GRIN2B: variants seen among roughly 807,000 people sequenced by gnomAD.
GRIN2B encodes glutamate ionotropic receptor NMDA type subunit 2B, also known as glutamate receptor ionotropic, NMDA 2B.
A neutral mutation model predicts 114.5 loss-of-function variants in GRIN2B; 5 were observed. That is an observed-to-expected ratio of 0.04 (90% CI 0.02 to 0.09). GRIN2B has a LOEUF of 0.09. Ranked by LOEUF, GRIN2B falls within the 10% of genes least tolerant of loss-of-function variation. GRIN2B has a pLI of 1.00. For missense variants in GRIN2B, 1,108 were observed against 1,943.5 expected (o/e 0.57, Z 8.08); for synonymous variants, 787 against 745.1 (o/e 1.06, Z -0.92).
At chr12:13,923,284 G>A (rs925694165) in intron 2 of GRIN2B, among the ~76,000 whole-genome samples, 5 of 152,108 alleles carry the variant, frequency 3.3e-5, no homozygotes, top group African/African-American at 1.2e-4. Context: ...AAATCACATT[G>A]TTTAGATTCA....
intron 4 of GRIN2B, among the ~76,000 whole-genome samples, chr12:13,702,875 T>C (rs1950325311): frequency 6.6e-6 from 1 of 152,186 alleles, no homozygotes; most frequent in Non-Finnish European, 1.5e-5. Context: ...TAGGAAGAAA[T>C]AAATCTATGC....
At position 13,905,639 on chromosome 12, in the gene GRIN2B, G is replaced by T. The variant is rs10160840; in HGVS notation, c.-18-39413C>A. ...GAGGTGGTTCCCGGCAGTCTAGGACGTCTTCCTTAAAGAAGTTTTGCATTT... is the reference window on the plus strand; with the variant it reads ...GAGGTGGTTCCCGGCAGTCTAGGACTTCTTCCTTAAAGAAGTTTTGCATTT... On this transcript the variant is annotated intron_variant, in intron 2 of 13. Transcript: ENST00000609686. 2.6e-5 allele frequency among the ~76,000 whole-genome samples: 4 copies of T among 152,072 alleles called. No homozygotes were observed. In the South Asian group the frequency reaches 8.3e-4, roughly 32 times the overall value.
chr12:13,617,554 T>C (rs1037997784), intron 5 of GRIN2B, among the ~76,000 whole-genome samples: 3 of 152,198 alleles, frequency 2.0e-5, no homozygotes, highest in Non-Finnish European at 4.4e-5. Flanking sequence ...CAACATGGCT[T>C]TGTTGGGGGG....
intron 4 of GRIN2B, among the ~76,000 whole-genome samples, chr12:13,725,229 G>A (rs1862959334): frequency 6.6e-6 from 1 of 152,058 alleles, no homozygotes; most frequent in Non-Finnish European, 1.5e-5. Context: ...AAATCAAAGA[G>A]CAGATCAGGA....
At chr12:13,604,726 TGTAA>T (rs1441795002) in intron 10 of GRIN2B, among the ~76,000 whole-genome samples, 9 of 152,358 alleles carry the variant, frequency 5.9e-5, no homozygotes, top group Middle Eastern at 3.4e-3. Flanking sequence ...GGTGTTAGAC[TGTAA>T]GTAAGTAAGA....
At chr12:13,875,395 C>T (rs1446962842) in intron 2 of GRIN2B, among the ~76,000 whole-genome samples, 1 of 152,082 alleles carries the variant, frequency 6.6e-6, no homozygotes, top group East Asian at 1.9e-4. Flanking sequence ...GGCATGGTGG[C>T]GAGCGCCTGT....
At chr12:13,962,089 T>TACACACAC (rs143658576) in intron 2 of GRIN2B, among the ~76,000 whole-genome samples, 1,965 of 145,302 alleles carry the variant, frequency 0.014, 17 homozygotes, top group African/African-American at 0.018. Flanking sequence ...CTCTCATACA[T>TACACACAC]ACACACACAC....
intron 5 of GRIN2B, chr12:13,634,061 A>G (rs1246081538): frequency 6.6e-6 from 1 of 152,204 alleles, no homozygotes; most frequent in Non-Finnish European, 1.5e-5. Context: ...CCCAAGATGG[A>G]TTTCAAAGCA....
Position 13,617,924 on chromosome 12 carries a change from C to T in GRIN2B, c.1126-1267G>A, listed in dbSNP as rs146750171. Reference sequence around the variant, plus strand: ...AGCCACTGCCCTTGTGTTACTGCATCATTATAATGCAGGCAGTGGCTTGGT... The same window carrying T: ...AGCCACTGCCCTTGTGTTACTGCATTATTATAATGCAGGCAGTGGCTTGGT... On this transcript the variant is annotated intron_variant, in intron 5 of 13. Transcript: ENST00000609686. Among the ~76,000 whole-genome samples, 212 of 152,290 alleles carry T rather than the reference C, an allele frequency of 1.4e-3. 1 individual carries two copies. The highest frequency in any genetic ancestry group is 2.4e-3 in the Non-Finnish European group (164 of 68,026).
Position 13,538,893 on chromosome 12 carries a change from T to G in GRIN2B, c.*23890A>C, listed in dbSNP as rs1261759342. 6.7e-6 allele frequency: 1 copy of G among 149,962 alleles called. No individual in the cohort carries two copies. Among genetic ancestry groups the G allele is most frequent in the Non-Finnish European group, 1.5e-5 (1 of 67,590 alleles). The allele number at this position is 149,962 out of a possible 1,614,324, so 9.3% of individuals were successfully genotyped here. Reference sequence around the variant, plus strand: ...CAGAGCCAAGATTTCAAGTCTTGTCTTCCCCCTTTTTTTTTTAAACAAATC... The same window carrying G: ...CAGAGCCAAGATTTCAAGTCTTGTCGTCCCCCTTTTTTTTTTAAACAAATC... On this transcript the variant is annotated 3_prime_UTR_variant, in exon 14 of 14. Coordinates refer to ENST00000609686, the MANE Select transcript of GRIN2B (RefSeq NM_000834.5).
chr12:13,899,321 GA>G (rs201126034), intron 2 of GRIN2B, among the ~76,000 whole-genome samples: 5 of 146,162 alleles, frequency 3.4e-5, no homozygotes, highest in African/African-American at 1.0e-4. Context: ...AGCCCTTAAA[GA>G]AAAAAAAAAG....
At chr12:13,839,651 C>T (rs945279710) in intron 3 of GRIN2B, among the ~76,000 whole-genome samples, 2 of 152,190 alleles carry the variant, frequency 1.3e-5, no homozygotes, top group Admixed American at 6.5e-5. Context: ...GAGGCAGAGA[C>T]AAACGGAAGC....
chr12:13,606,149 T>A (rs1255489678), intron 10 of GRIN2B, among the ~76,000 whole-genome samples: 2 of 152,128 alleles, frequency 1.3e-5, no homozygotes, highest in Non-Finnish European at 2.9e-5. Flanking sequence ...GCAACATCCA[T>A]GTTTTAGGGT....
At chr12:13,614,276 T>C (rs1949405805) in intron 8 of GRIN2B, among the ~76,000 whole-genome samples, 1 of 152,200 alleles carries the variant, frequency 6.6e-6, no homozygotes, top group African/African-American at 2.4e-5. Context: ...CACTGTCTAC[T>C]GTAATAGCCC....
At position 13,795,511 on chromosome 12, in the gene GRIN2B, G is replaced by A. The variant is rs554592169; in HGVS notation, c.412-41596C>T. ...CATATTGATAATGCATAATTTTATT[G>A]TTGCATATGTTGTAAGAATTCAACT... is the stretch of plus-strand genomic sequence containing the variant. On this transcript the variant is annotated intron_variant, in intron 3 of 13. Transcript: ENST00000609686. Among the ~76,000 whole-genome samples, 43 of 152,190 alleles carry A rather than the reference G, an allele frequency of 2.8e-4. 1 individual carries two copies. The South Asian group carries it at 8.3e-3, about 29-fold the overall frequency.
At chr12:13,732,939 T>C (rs1484752078) in intron 4 of GRIN2B, among the ~76,000 whole-genome samples, 1 of 152,208 alleles carries the variant, frequency 6.6e-6, no homozygotes, top group Non-Finnish European at 1.5e-5. Flanking sequence ...AGCATTAAAC[T>C]GCAATGGTGA....
intron 5 of GRIN2B, among the ~76,000 whole-genome samples, chr12:13,666,216 A>ACTTT (rs1949973737): frequency 1.3e-5 from 2 of 152,204 alleles, no homozygotes; most frequent in African/African-American, 4.8e-5. Context: ...CCAGGGTCAT[A>ACTTT]CTTTCTTTCT....
At chr12:13,886,328 C>G (rs1335243198) in intron 2 of GRIN2B, among the ~76,000 whole-genome samples, 14 of 152,206 alleles carry the variant, frequency 9.2e-5, no homozygotes, top group Non-Finnish European at 1.5e-5. Context: ...TATACATCAT[C>G]TGCTCCCACA....
intron 3 of GRIN2B, among the ~76,000 whole-genome samples, chr12:13,812,532 GC>G (rs1468648235): frequency 6.6e-6 from 1 of 151,816 alleles, no homozygotes; most frequent in African/African-American, 2.4e-5. Context: ...TTTTCCATGA[GC>G]AAAATTCTGC....
Sources: gnomAD v4.1 joint callset for allele counts (sites outside exome capture counted in the v4.1 genomes callset) on GRCh38, gnomAD v4.1.1 for gene constraint, MANE v1.5 for transcripts, NCBI Gene and HGNC (gene_info 2026-07-23, HGNC 2026-07-21) for gene names.